The following ZC3H11A variants were observed in gnomAD, a reference collection of about 807,000 sequenced individuals.
ZC3H11A encodes the protein zinc finger CCCH domain-containing protein 11A.
Under a neutral mutation model 90.8 loss-of-function variants are expected in ZC3H11A, and 22 were observed. The ratio of observed to expected loss-of-function variants is 0.24; its 90% CI spans 0.17 to 0.35. The LOEUF is 0.35. Among genes scored for constraint, ZC3H11A ranks in the 10% least tolerant of loss-of-function variants. The probability of loss-of-function intolerance (pLI) is 1.00; values close to 1 mark genes in which losing one functional copy is unlikely to be tolerated. For synonymous variants in ZC3H11A, 294 were observed against 339.8 expected, an observed-to-expected ratio of 0.87 and a Z score of 1.48; for missense variants, 701 against 964.9, an observed-to-expected ratio of 0.73 and a Z score of 3.62.
At position 203,828,961 on chromosome 1, in the gene ZC3H11A, T is replaced by C. The variant is rs566174110; in HGVS notation, c.299-490T>C. On this transcript the variant is annotated intron_variant, in intron 5 of 17. Coordinates refer to ENST00000367210, the MANE Select transcript of ZC3H11A (RefSeq NM_001376342.1). ...AGCTAGTGGTTATTCCCAAAGTTCA[T>C]TTTAAAGTAATTTAAAAGTGGAATT... Among the ~76,000 whole-genome samples the C allele has an allele frequency of 1.6e-3, 250 of 152,352 alleles. 2 individuals are homozygous for C. The highest frequency in any genetic ancestry group is 2.1e-3 in the Admixed American group (32 of 15,310).
At chr1:203,840,605 A>ATTATTTATTTAT (rs534962124) in intron 12 of ZC3H11A, among the ~76,000 whole-genome samples, 9,191 of 147,628 alleles carry the variant, frequency 0.062, 325 homozygotes, top group Non-Finnish European at 0.072. Context: ...ATAGTAGGAA[A>ATTATTTATTTAT]TTATTTATTT....
chr1:203,827,421 C>T (rs1358925825), intron 4 of ZC3H11A, among the ~76,000 whole-genome samples: 1 of 151,024 alleles, frequency 6.6e-6, no homozygotes, highest in Non-Finnish European at 1.5e-5. Flanking sequence ...TGGCTCACAC[C>T]TGTAATCCCA....
In ZC3H11A at chr1:203,848,391, G is replaced by A. The variant is rs1688446892; in HGVS notation, c.1607G>A (p.Arg536Lys). Residue 536 changes from arginine (R) to lysine (K), a missense_variant, in exon 14 of 18, where the codon AGA (arginine) becomes AAA (lysine). Physicochemically the swap from Arg to Lys is conservative, Grantham distance 26. This residue lies in a region of ZC3H11A where 530 missense variants were observed against 696.2 expected (regional missense o/e 0.76). Coordinates refer to ENST00000367210, the MANE Select transcript of ZC3H11A (RefSeq NM_001376342.1). ...GNEVDSQSSI[R>K]TEAKEASGET... ...GAAGTTGATTCTCAGAGCAGTATTA[G>A]AACAGAAGCTAAAGAGGTAAATTTA... is the stretch of plus-strand genomic sequence containing the variant. 6.2e-7 allele frequency: 1 copy of A among 1,610,194 alleles called. No individual in the cohort carries two copies. The highest frequency in any genetic ancestry group is 8.5e-7 in the Non-Finnish European group (1 of 1,178,804).
intron 9 of ZC3H11A, among the ~76,000 whole-genome samples, chr1:203,833,428 G>A (rs1394574698): frequency 1.3e-5 from 2 of 151,372 alleles, no homozygotes; most frequent in African/African-American, 2.4e-5. Flanking sequence ...CTACTTGGGA[G>A]GCTGAGACAG....
chr1:203,804,744 C>G (rs2102489333), intron 2 of ZC3H11A, among the ~76,000 whole-genome samples: 1 of 148,386 alleles, frequency 6.7e-6, no homozygotes, highest in East Asian at 2.0e-4. Context: ...GCTGTCTTGG[C>G]TCATTGCAAC....
rs1677177920 is a variant in ZC3H11A, at chr1:203,818,684, A to G, written c.169A>G (p.Ile57Val). ...RQVCRFRHME[I>V]DKKRSEIPCY... ...GGTGTGCAGGTTTCGGCACATGGAGATTGATGTAAGTTTTTTATTTCCGTT... is the reference window on the plus strand; with the variant it reads ...GGTGTGCAGGTTTCGGCACATGGAGGTTGATGTAAGTTTTTTATTTCCGTT... Residue 57 changes from isoleucine to valine, a missense_variant, in exon 4 of 18, where the codon ATT becomes GTT. By Grantham distance (29) the Ile-to-Val change is conservative. Coordinates refer to ENST00000367210, the MANE Select transcript of ZC3H11A (RefSeq NM_001376342.1). 8 of 1,614,058 alleles carry G rather than the reference A, an allele frequency of 5.0e-6. No individual in the cohort carries two copies. The highest frequency in any genetic ancestry group is 6.8e-6 in the Non-Finnish European group (8 of 1,180,016).
intron 4 of ZC3H11A, among the ~76,000 whole-genome samples, chr1:203,821,067 A>G (rs1678500326): frequency 6.6e-6 from 1 of 152,030 alleles, no homozygotes; most frequent in Non-Finnish European, 1.5e-5. Flanking sequence ...CGTAATCCCC[A>G]TGTGTTAAGG....
intron 12 of ZC3H11A, among the ~76,000 whole-genome samples, chr1:203,844,761 A>T (rs1388511422): frequency 6.6e-6 from 1 of 152,152 alleles, no homozygotes; most frequent in Non-Finnish European, 1.5e-5. Context: ...CAATTGCCAC[A>T]GTAAGACTTT....
chr1:203,825,528 G>A (rs1251813163), intron 4 of ZC3H11A, among the ~76,000 whole-genome samples: 4 of 148,974 alleles, frequency 2.7e-5, no homozygotes, highest in African/African-American at 5.0e-5. Flanking sequence ...TCCACCTCCC[G>A]GGTTCAAGTG....
At chr1:203,840,624 A>ATTTC (rs1198504638) in intron 12 of ZC3H11A, among the ~76,000 whole-genome samples, 1 of 150,442 alleles carries the variant, frequency 6.6e-6, no homozygotes, top group African/African-American at 2.4e-5. Context: ...TTATTTATTT[A>ATTTC]TTTATTTATT....
At chr1:203,837,698 G>A (rs1348351001) in intron 10 of ZC3H11A, among the ~76,000 whole-genome samples, 5 of 151,962 alleles carry the variant, frequency 3.3e-5, no homozygotes, top group Admixed American at 2.6e-4. Flanking sequence ...GGCTGGTCTC[G>A]AACTCCTGGC....
chr1:203,818,793 AG>A lies in ZC3H11A; in HGVS notation c.174+105del, dbSNP rs894327896. 4.6e-6 allele frequency: 7 copies of A among 1,537,314 alleles called. No homozygotes were observed. In the African/African-American group the frequency reaches 9.7e-5, roughly 21 times the overall value. On this transcript the variant is annotated intron_variant, in intron 4 of 17. Transcript: ENST00000367210. ...ACTTTTAAAAAATATATTAAGGCTG[AG>A]TGCAGTGGCTCATGCCTGTAGTTCC...
At chr1:203,833,769 A>T (rs777650425) in intron 9 of ZC3H11A, 22 bp from the exon 10 acceptor site, 1 of 1,602,704 alleles carries the variant, frequency 6.2e-7, no homozygotes, top group Admixed American at 1.7e-5. Flanking sequence ...AGGATAGAGA[A>T]ATTCTGCTTT....
Position 203,818,846 on chromosome 1 carries a change from G to T in ZC3H11A, c.174+157G>T, listed in dbSNP as rs182114884. On this transcript the variant is annotated intron_variant, in intron 4 of 17. Transcript: ENST00000367210. ...GCACTTTGGGAGGCTGAGGCGGGTA[G>T]ATCATGAGGTCAGGAGATTGAGACC... is the stretch of plus-strand genomic sequence containing the variant. Among the ~76,000 whole-genome samples, 587 of 151,926 alleles carry T rather than the reference G, an allele frequency of 3.9e-3. 2 individuals are homozygous for T. The highest frequency in any genetic ancestry group is 0.031 in the Middle Eastern group (9 of 294).
At position 203,843,569 on chromosome 1, in the gene ZC3H11A, T is replaced by G. The variant is rs1687071360; in HGVS notation, c.1042+3195T>G. On this transcript the variant is annotated intron_variant, in intron 12 of 17. Transcript: ENST00000367210. The stretch of plus-strand genomic sequence containing the variant: ...TAAATAACTTTGCAGTCCACAGTAT[T>G]GCAGCTACCCCACTCTGCCATTGTA... Among the ~76,000 whole-genome samples the G allele has an allele frequency of 2.0e-5, 3 of 152,212 alleles. No individual in the cohort carries two copies. The South Asian group carries it at 6.2e-4, about 32-fold the overall frequency.
At position 203,802,714 on chromosome 1, in the gene ZC3H11A, C is replaced by CTTTTTT. The variant is rs150416242; in HGVS notation, c.-444_-439dup. The CTTTTTT allele has an allele frequency of 3.0e-5, 4 of 131,640 alleles. No homozygotes were observed. The highest frequency in any genetic ancestry group is 8.2e-5 in the African/African-American group (3 of 36,468). The allele number at this position is 131,640 out of a possible 1,614,324, so 8.2% of individuals were successfully genotyped here. ...TCTCAAGTTCATCTTTAAATGAACT[C>CTTTTTT]TTTTTTTTTGTTTTTTTTTTGTTTT... On this transcript the variant is annotated 5_prime_UTR_variant, in exon 2 of 18. Coordinates refer to ENST00000367210, the MANE Select transcript of ZC3H11A (RefSeq NM_001376342.1).
chr1:203,851,869 G>A (rs138292398), intron 17 of ZC3H11A, among the ~76,000 whole-genome samples: 4 of 150,612 alleles, frequency 2.7e-5, no homozygotes, highest in South Asian at 2.1e-4. Flanking sequence ...CTTGGGAGGC[G>A]GAGGCAAAAT....
At position 203,812,005 on chromosome 1, in the gene ZC3H11A, C is replaced by T. The variant is rs555677338; in HGVS notation, c.-145-4921C>T. Among the ~76,000 whole-genome samples, 315 of 149,774 alleles carry T rather than the reference C, an allele frequency of 2.1e-3. 1 individual carries two copies. Among genetic ancestry groups the T allele is most frequent in the African/African-American group, 7.5e-3 (305 of 40,770 alleles). ...TAATTTTTATATTTTTTGATAGAGA[C>T]GAGGTTTCACCATGTTGGCCAGGCT... On this transcript the variant is annotated intron_variant, in intron 2 of 17. Transcript: ENST00000367210.
intron 12 of ZC3H11A, among the ~76,000 whole-genome samples, chr1:203,841,145 TTTTTTTTTTTTA>T (rs1381193924): frequency 7.1e-6 from 1 of 140,408 alleles, no homozygotes; most frequent in Non-Finnish European, 1.6e-5. Context: ...TAAGAATCTT[TTTTTTTTTTTTA>T]TTTTTTTTTT....
Sources: allele counts gnomAD v4.1 joint callset (sites outside exome capture counted in the v4.1 genomes callset), GRCh38; gene constraint gnomAD v4.1.1; regional missense constraint gnomAD v4.1.1; transcripts MANE v1.5; gene names NCBI Gene and HGNC (gene_info 2026-07-23, HGNC 2026-07-21).